NRXN1: variants seen among roughly 807,000 people sequenced by gnomAD.
NRXN1 encodes neurexin-1.
NRXN1 carries 39 observed loss-of-function variants against 150.9 expected under a neutral mutation model. That is an observed-to-expected ratio of 0.26 (90% CI 0.20 to 0.34). The LOEUF (loss-of-function observed/expected upper bound fraction) is 0.34, where lower values mean the gene tolerates loss of function less well. Among genes scored for constraint, NRXN1 ranks in the 10% least tolerant of loss-of-function variants. The pLI is 1.00. For synonymous variants in NRXN1, 924 were observed against 757.0 expected (o/e 1.22, Z -3.62); for missense variants, 1,815 against 1,949.9 (o/e 0.93, Z 1.30).
intron 17 of NRXN1, among the ~76,000 whole-genome samples, chr2:50,355,030 G>A (rs1174421804): frequency 6.6e-6 from 1 of 151,918 alleles, no homozygotes; most frequent in African/African-American, 2.4e-5. Flanking sequence ...CTCAAACCAG[G>A]AACCAGAAAT....
chr2:50,352,776 T>TAATATAATA (rs1478736717), intron 17 of NRXN1, among the ~76,000 whole-genome samples: 9,200 of 83,688 alleles, frequency 0.11, 337 homozygotes, highest in Admixed American at 0.13. Flanking sequence ...ATAATAATAA[T>TAATATAATA]ATTATAATAA....
At chr2:50,452,645 G>T (rs540211099) in intron 17 of NRXN1, among the ~76,000 whole-genome samples, 31 of 152,258 alleles carry the variant, frequency 2.0e-4, no homozygotes, top group Non-Finnish European at 3.2e-4. Flanking sequence ...TTAGCAAGTG[G>T]TAAGAATATA....
At chr2:50,034,098 C>T (rs1323754870) in intron 21 of NRXN1, among the ~76,000 whole-genome samples, 2 of 151,668 alleles carry the variant, frequency 1.3e-5, no homozygotes, top group African/African-American at 4.8e-5. Context: ...TCCTCAAAGA[C>T]CTAAAAACAT....
chr2:50,585,551 G>A (rs552054281), intron 8 of NRXN1, among the ~76,000 whole-genome samples: 2 of 152,158 alleles, frequency 1.3e-5, no homozygotes, highest in East Asian at 1.9e-4. Context: ...AATAATACAT[G>A]CCCAACAGGA....
intron 5 of NRXN1, among the ~76,000 whole-genome samples, chr2:50,638,000 T>C (rs1411695325): frequency 6.6e-6 from 1 of 152,190 alleles, no homozygotes; most frequent in Non-Finnish European, 1.5e-5. Flanking sequence ...GTGACAAGCT[T>C]TATTTCAATT....
chr2:50,117,613 C>CA, intron 18 of NRXN1, among the ~76,000 whole-genome samples: 1 of 152,064 alleles, frequency 6.6e-6, no homozygotes, highest in South Asian at 2.1e-4. Flanking sequence ...CACCTTCTAG[C>CA]AAAAATCATT....
chr2:50,226,867 T>C (rs961486889), intron 18 of NRXN1, among the ~76,000 whole-genome samples: 7 of 152,024 alleles, frequency 4.6e-5, no homozygotes, highest in Admixed American at 6.6e-5. Context: ...CCTATTGCCA[T>C]TGAACATTTT....
chr2:50,021,822 C>T (rs544409433), intron 21 of NRXN1, among the ~76,000 whole-genome samples: 12 of 152,200 alleles, frequency 7.9e-5, no homozygotes, highest in African/African-American at 2.9e-4. Flanking sequence ...AATTCAAAAC[C>T]ATGGCTACAA....
At chr2:50,809,690 C>T (rs1359536131) in intron 5 of NRXN1, among the ~76,000 whole-genome samples, 1 of 152,066 alleles carries the variant, frequency 6.6e-6, no homozygotes, top group Non-Finnish European at 1.5e-5. Flanking sequence ...TTTAAACATC[C>T]ATGGGTCAGA....
intron 8 of NRXN1, among the ~76,000 whole-genome samples, chr2:50,584,948 C>T (rs112317644): frequency 0.036 from 5,556 of 152,222 alleles, 105 homozygotes; most frequent in Middle Eastern, 0.12. Context: ...GGCATATAGT[C>T]ACTGACATGG....
chr2:50,479,859 C>T (rs942958663), intron 15 of NRXN1, among the ~76,000 whole-genome samples: 2 of 148,256 alleles, frequency 1.3e-5, no homozygotes, highest in African/African-American at 2.5e-5. Flanking sequence ...CTGCAACCTC[C>T]GCCTCCTGGG....
rs1282191953 is a variant in NRXN1, at chr2:50,589,359, G to A, written c.1320+30663C>T. 2.0e-5 allele frequency: 3 copies of A among 152,254 alleles called. 1 individual carries two copies. The highest frequency in any genetic ancestry group is 2.0e-4 in the Admixed American group (3 of 15,272). 9.4% of individuals were successfully genotyped at this position (152,254 alleles called of 1,614,324 possible). A position where few individuals can be genotyped will look rare whatever the true frequency, so the allele number is the denominator to read the frequency against. ...GGGAGAAAATGGTCAGGTCTACAGAGGCTCCTGGGTGGGAGTAGTTTCCTG... is the reference window on the plus strand; with the variant it reads ...GGGAGAAAATGGTCAGGTCTACAGAAGCTCCTGGGTGGGAGTAGTTTCCTG... On this transcript the variant is annotated intron_variant, in intron 8 of 22. Coordinates refer to ENST00000401669, the MANE Select transcript of NRXN1 (RefSeq NM_001330078.2).
chr2:50,425,075 G>A (rs753929534), intron 17 of NRXN1, among the ~76,000 whole-genome samples: 1 of 152,062 alleles, frequency 6.6e-6, no homozygotes, highest in Non-Finnish European at 1.5e-5. Flanking sequence ...ACCACTTCAG[G>A]CCATATTGTG....
intron 19 of NRXN1, among the ~76,000 whole-genome samples, chr2:50,072,873 T>C (rs1462261749): frequency 6.6e-6 from 1 of 152,162 alleles, no homozygotes; most frequent in East Asian, 1.9e-4. Flanking sequence ...ACTTGAGTAC[T>C]ATATGGATGT....
intron 16 of NRXN1, chr2:50,466,379 G>C: frequency 2.4e-6 from 1 of 423,204 alleles, no homozygotes; most frequent in South Asian, 1.8e-5. Flanking sequence ...AGTTACTGCA[G>C]AAATGTAAAA....
At chr2:50,586,421 G>A (rs1034665521) in intron 8 of NRXN1, among the ~76,000 whole-genome samples, 3 of 151,948 alleles carry the variant, frequency 2.0e-5, no homozygotes, top group African/African-American at 7.3e-5. Flanking sequence ...TCTCCTTCCA[G>A]TATAGTACAA....
intron 21 of NRXN1, among the ~76,000 whole-genome samples, chr2:50,002,725 G>T (rs758375765): frequency 3.9e-5 from 6 of 152,042 alleles, no homozygotes; most frequent in Non-Finnish European, 7.4e-5. Flanking sequence ...CCGAGAAATA[G>T]ACTAGGAGTC....
At chr2:50,502,796 T>C (rs1317933171) in intron 13 of NRXN1, among the ~76,000 whole-genome samples, 5 of 152,156 alleles carry the variant, frequency 3.3e-5, no homozygotes, top group Non-Finnish European at 7.4e-5. Context: ...TAGATACATT[T>C]ACATGTATGT....
At chr2:50,217,687 C>A (rs550007728) in intron 18 of NRXN1, among the ~76,000 whole-genome samples, 1 of 151,962 alleles carries the variant, frequency 6.6e-6, no homozygotes, top group African/African-American at 2.4e-5. Context: ...GTCAACAGAA[C>A]GCCTGGTTGA....
Sources: allele counts gnomAD v4.1 joint callset (sites outside exome capture counted in the v4.1 genomes callset), GRCh38; gene constraint gnomAD v4.1.1; transcripts MANE v1.5; gene names NCBI Gene and HGNC (gene_info 2026-07-23, HGNC 2026-07-21).